Variants in NAALADL2 observed in about 807,000 individuals in gnomAD.
NAALADL2 encodes the protein inactive N-acetylated-alpha-linked acidic dipeptidase-like protein 2.
NAALADL2 carries 76 observed loss-of-function variants against 87.2 expected under a neutral mutation model. That is an observed-to-expected ratio of 0.87 (90% CI 0.72 to 1.05). The LOEUF (loss-of-function observed/expected upper bound fraction) is 1.05, where lower values mean the gene tolerates loss of function less well. Ranked by LOEUF, NAALADL2 falls within the 50% of genes least tolerant of loss-of-function variation. The pLI is 0.00. For missense variants in NAALADL2, 1,089 were observed against 945.8 expected (o/e 1.15, Z -1.99); for synonymous variants, 354 against 331.0 (o/e 1.07, Z -0.75).
At chr3:175,478,413 T>C (rs1342786117) in intron 9 of NAALADL2, among the ~76,000 whole-genome samples, 1 of 151,948 alleles carries the variant, frequency 6.6e-6, no homozygotes, top group East Asian at 1.9e-4. Flanking sequence ...AATGCATCCC[T>C]CCAGTTTACT....
chr3:174,838,858 A>C (rs1477825355), intron 3 of NAALADL2, among the ~76,000 whole-genome samples: 1 of 152,224 alleles, frequency 6.6e-6, no homozygotes, highest in East Asian at 1.9e-4. Context: ...CGACACAAGC[A>C]AATGGAAACA....
chr3:175,713,199 A>G (rs1296763330), intron 11 of NAALADL2, among the ~76,000 whole-genome samples: 1 of 152,140 alleles, frequency 6.6e-6, no homozygotes, highest in Non-Finnish European at 1.5e-5. Context: ...AAGCTAAATA[A>G]TCACAGTGTT....
chr3:175,011,421 T>A (rs994457349), intron 1 of NAALADL2, among the ~76,000 whole-genome samples: 2 of 152,102 alleles, frequency 1.3e-5, no homozygotes, highest in Non-Finnish European at 2.9e-5. Context: ...CATGTAAAAA[T>A]TCAGAGTCTC....
At chr3:174,475,770 C>T (rs1436918957) in intron 1 of NAALADL2, among the ~76,000 whole-genome samples, 1 of 151,920 alleles carries the variant, frequency 6.6e-6, no homozygotes, top group Non-Finnish European at 1.5e-5. Flanking sequence ...GTCTAGTCCA[C>T]CAATATATGG....
chr3:174,883,265 G>A (rs930502321), intron 1 of NAALADL2, among the ~76,000 whole-genome samples: 2 of 152,020 alleles, frequency 1.3e-5, no homozygotes, highest in Admixed American at 6.6e-5. Flanking sequence ...AAACACACCA[G>A]GAGCAATGCT....
chr3:175,708,545 G>C (rs1025935888), intron 11 of NAALADL2, among the ~76,000 whole-genome samples: 1 of 151,680 alleles, frequency 6.6e-6, no homozygotes, highest in African/African-American at 2.4e-5. Flanking sequence ...CGAGTTGTCA[G>C]TATGATGGAC....
chr3:174,706,836 G>A (rs1421855908), intron 2 of NAALADL2, among the ~76,000 whole-genome samples: 1 of 152,108 alleles, frequency 6.6e-6, no homozygotes, highest in Non-Finnish European at 1.5e-5. Context: ...AAGGGATCCA[G>A]TTTCAGCTTT....
At chr3:174,604,617 T>C (rs185290657) in intron 2 of NAALADL2, among the ~76,000 whole-genome samples, 76 of 137,174 alleles carry the variant, frequency 5.5e-4, no homozygotes, top group African/African-American at 1.8e-3. Flanking sequence ...TTGTTATTCA[T>C]TTTCTGTTGT....
Position 174,947,631 on chromosome 3 carries a change from A to G in NAALADL2, c.43+88181A>G, listed in dbSNP as rs189275108. 8.2e-4 allele frequency among the ~76,000 whole-genome samples: 125 copies of G among 152,216 alleles called. 2 individuals are homozygous for G. The highest frequency in any genetic ancestry group is 2.6e-3 in the African/African-American group (109 of 41,562). On this transcript the variant is annotated intron_variant, in intron 1 of 13. Coordinates refer to ENST00000454872, the MANE Select transcript of NAALADL2 (RefSeq NM_207015.3). The stretch of plus-strand genomic sequence containing the variant: ...TAAATTTATTATTCTTGGGAAAAAA[A>G]ACACTGATAACTTTTAAGAAATCTT...
chr3:175,781,252 T>C (rs772544336), intron 13 of NAALADL2, among the ~76,000 whole-genome samples: 4 of 152,140 alleles, frequency 2.6e-5, no homozygotes, highest in Non-Finnish European at 4.4e-5. Flanking sequence ...GTGTCTAAGA[T>C]AGTACACAAA....
chr3:174,716,934 G>A (rs1427676667), intron 2 of NAALADL2, among the ~76,000 whole-genome samples: 4 of 152,114 alleles, frequency 2.6e-5, no homozygotes, highest in African/African-American at 9.7e-5. Context: ...GCATAGTTGA[G>A]ACATATTAAT....
intron 1 of NAALADL2, among the ~76,000 whole-genome samples, chr3:174,877,097 C>G (rs1579312325): frequency 6.6e-6 from 1 of 152,070 alleles, no homozygotes; most frequent in South Asian, 2.1e-4. Flanking sequence ...AGGTCTCAAC[C>G]TTAAATACCA....
chr3:175,198,186 C>T (rs578252716), intron 2 of NAALADL2, among the ~76,000 whole-genome samples: 89 of 152,100 alleles, frequency 5.9e-4, no homozygotes, highest in Non-Finnish European at 1.1e-3. Flanking sequence ...AGTTGTTCCC[C>T]AGTACTCACT....
intron 2 of NAALADL2, among the ~76,000 whole-genome samples, chr3:174,667,141 A>G (rs1266124164): frequency 6.6e-6 from 1 of 152,158 alleles, no homozygotes; most frequent in Non-Finnish European, 1.5e-5. Flanking sequence ...TGCATTGAAC[A>G]AGTATCTCTT....
chr3:175,343,813 G>C (rs1762850105), intron 5 of NAALADL2, among the ~76,000 whole-genome samples: 1 of 151,816 alleles, frequency 6.6e-6, no homozygotes, highest in South Asian at 2.1e-4. Context: ...AAGTGAAAGA[G>C]GGCAGTAGAA....
intron 2 of NAALADL2, among the ~76,000 whole-genome samples, chr3:174,604,543 T>G (rs911311139): frequency 1.3e-5 from 2 of 152,130 alleles, no homozygotes; most frequent in Non-Finnish European, 2.9e-5. Context: ...TGTCTTTTGG[T>G]TGAAGAGTTT....
intron 1 of NAALADL2, among the ~76,000 whole-genome samples, chr3:175,088,346 C>A (rs1719445922): frequency 1.3e-5 from 2 of 152,138 alleles, no homozygotes; most frequent in Non-Finnish European, 2.9e-5. Flanking sequence ...CATAGACATA[C>A]TGTGCAAATG....
chr3:174,646,552 CAAT>C (rs1560115200), intron 2 of NAALADL2, among the ~76,000 whole-genome samples: 1 of 151,942 alleles, frequency 6.6e-6, no homozygotes, highest in Admixed American at 6.6e-5. Flanking sequence ...AAAACAATCT[CAAT>C]AAACAGTACA....
intron 4 of NAALADL2, among the ~76,000 whole-genome samples, chr3:175,285,512 C>T (rs1037348227): frequency 6.6e-6 from 1 of 152,120 alleles, no homozygotes; most frequent in Non-Finnish European, 1.5e-5. Flanking sequence ...AGTATACATT[C>T]ATTCCTATTT....
Sources: allele counts gnomAD v4.1 joint callset (sites outside exome capture counted in the v4.1 genomes callset), GRCh38; gene constraint gnomAD v4.1.1; transcripts MANE v1.5; gene names NCBI Gene and HGNC (gene_info 2026-07-23, HGNC 2026-07-21).